The following NCKAP5 variants were observed in gnomAD, a reference collection of about 807,000 sequenced individuals.
The protein encoded by NCKAP5 is nck-associated protein 5.
A neutral mutation model predicts 167.0 loss-of-function variants in NCKAP5; 92 were observed. That is an observed-to-expected ratio of 0.55 (90% confidence interval 0.47 to 0.66). The LOEUF (loss-of-function observed/expected upper bound fraction) is 0.66, where lower values mean the gene tolerates loss of function less well. Among genes scored for constraint, NCKAP5 ranks in the 30% least tolerant of loss-of-function variants. The pLI, the probability that NCKAP5 is intolerant of heterozygous loss-of-function variation, is 0.00. For missense variants in NCKAP5, 2,378 were observed against 2,315.0 expected (o/e 1.03, Z -0.56); for synonymous variants, 891 against 877.4 (o/e 1.02, Z -0.27).
chr2:132,686,375 G>A (rs920976999), intron 19 of NCKAP5, among the ~76,000 whole-genome samples: 1 of 152,124 alleles, frequency 6.6e-6, no homozygotes, highest in Non-Finnish European at 1.5e-5. Flanking sequence ...CAGAAGAAGG[G>A]AAATCTCCTC....
At chr2:132,746,272 C>A (rs1679637152) in intron 16 of NCKAP5, among the ~76,000 whole-genome samples, 1 of 152,020 alleles carries the variant, frequency 6.6e-6, no homozygotes, top group Non-Finnish European at 1.5e-5. Flanking sequence ...CAATTGATTT[C>A]TGACAAAGAT....
intron 6 of NCKAP5, among the ~76,000 whole-genome samples, chr2:133,052,955 A>G (rs963366809): frequency 2.0e-5 from 3 of 152,160 alleles, no homozygotes; most frequent in African/African-American, 7.2e-5. Flanking sequence ...AGAAAACAAA[A>G]TAAAAAAATA....
chr2:132,956,946 C>T (rs1558987880), intron 8 of NCKAP5, among the ~76,000 whole-genome samples: 1 of 152,124 alleles, frequency 6.6e-6, no homozygotes, highest in Admixed American at 6.5e-5. Context: ...TGCCAGACCT[C>T]GAAAAATGGG....
chr2:132,766,879 T>G (rs1681542530), intron 16 of NCKAP5, among the ~76,000 whole-genome samples: 1 of 152,216 alleles, frequency 6.6e-6, no homozygotes, highest in Non-Finnish European at 1.5e-5. Context: ...ATATGACTAT[T>G]TTATTCTTTC....
chr2:133,105,026 C>T (rs2081637491), intron 6 of NCKAP5, among the ~76,000 whole-genome samples: 1 of 152,236 alleles, frequency 6.6e-6, no homozygotes, highest in South Asian at 2.1e-4. Context: ...AGGCCTCCTC[C>T]TTTGGGGTAA....
At chr2:133,143,657 G>C (rs1368915579) in intron 5 of NCKAP5, among the ~76,000 whole-genome samples, 1 of 151,802 alleles carries the variant, frequency 6.6e-6, no homozygotes, top group Non-Finnish European at 1.5e-5. Flanking sequence ...ATAAAGTGAA[G>C]GAAAATAAGA....
At chr2:133,561,265 T>G (rs1050654848) in intron 1 of NCKAP5, among the ~76,000 whole-genome samples, 1 of 152,226 alleles carries the variant, frequency 6.6e-6, no homozygotes, top group Non-Finnish European at 1.5e-5. Context: ...GCAATCTGCA[T>G]GAACACCGTC....
chr2:133,504,509 A>G (rs1026581106), intron 3 of NCKAP5, among the ~76,000 whole-genome samples: 3 of 151,986 alleles, frequency 2.0e-5, no homozygotes, highest in Non-Finnish European at 4.4e-5. Context: ...TGAAAATACT[A>G]TAAGAGAACC....
chr2:133,236,709 C>T (rs2087438893), intron 4 of NCKAP5, among the ~76,000 whole-genome samples: 1 of 152,182 alleles, frequency 6.6e-6, no homozygotes, highest in Non-Finnish European at 1.5e-5. Context: ...AGACAATATG[C>T]TATCAACTCT....
chr2:133,548,485 C>T (rs1261825019), intron 2 of NCKAP5, among the ~76,000 whole-genome samples: 2 of 151,376 alleles, frequency 1.3e-5, no homozygotes, highest in Non-Finnish European at 3.0e-5. Context: ...AGAGAAAGGT[C>T]GGGTTACCCT....
intron 19 of NCKAP5, among the ~76,000 whole-genome samples, chr2:132,685,325 T>A (rs1685792011): frequency 6.6e-6 from 1 of 152,194 alleles, no homozygotes; most frequent in African/African-American, 2.4e-5. Context: ...ATTAATATGT[T>A]CATCCCAGGA....
At chr2:132,842,128 G>A (rs548346517) in intron 11 of NCKAP5, among the ~76,000 whole-genome samples, 2 of 152,144 alleles carry the variant, frequency 1.3e-5, no homozygotes, top group African/African-American at 4.8e-5. Context: ...TTCAATGGTA[G>A]GTCTTTAATT....
At chr2:132,917,122 T>C (rs1340819841) in intron 8 of NCKAP5, among the ~76,000 whole-genome samples, 1 of 152,162 alleles carries the variant, frequency 6.6e-6, no homozygotes, top group African/African-American at 2.4e-5. Context: ...TGTTTACAGA[T>C]AAGAAAGCTA....
Position 133,361,604 on chromosome 2 carries a change from C to T in NCKAP5, c.70-58494G>A, listed in dbSNP as rs117937734. Among the ~76,000 whole-genome samples, 19 of 152,212 alleles carry T rather than the reference C, an allele frequency of 1.2e-4. No individual in the cohort carries two copies. The East Asian group carries it at 3.3e-3, about 26-fold the overall frequency. On this transcript the variant is annotated intron_variant, in intron 3 of 19. Coordinates refer to ENST00000409261, the MANE Select transcript of NCKAP5 (RefSeq NM_207363.3). ...TAAAAGTGAAGAAAACGGACGTGAG[C>T]TTAATGGACAAATGGAATATTCCTG... is the stretch of plus-strand genomic sequence containing the variant.
the NCKAP5 span, among the ~76,000 whole-genome samples, chr2:133,669,340 T>C: frequency 6.6e-6 from 1 of 152,176 alleles, no homozygotes; most frequent in Non-Finnish European, 1.5e-5. Flanking sequence ...TTGTCAGTGC[T>C]TTCTTGCTTT....
intron 3 of NCKAP5, among the ~76,000 whole-genome samples, chr2:133,465,007 T>C (rs75356785): frequency 7.7e-6 from 1 of 129,248 alleles, no homozygotes; most frequent in Non-Finnish European, 1.7e-5. Context: ...CTGCTTTTGC[T>C]TTTTTTTTTT....
chr2:133,181,863 C>T (rs2084754024), intron 5 of NCKAP5, among the ~76,000 whole-genome samples: 1 of 151,896 alleles, frequency 6.6e-6, no homozygotes, highest in African/African-American at 2.4e-5. Flanking sequence ...TAAGTGCTAT[C>T]TACAAAAAAC....
At chr2:133,305,405 G>T (rs1680711642) in intron 3 of NCKAP5, among the ~76,000 whole-genome samples, 1 of 152,178 alleles carries the variant, frequency 6.6e-6, no homozygotes, top group African/African-American at 2.4e-5. Flanking sequence ...TGGAGGCATT[G>T]TAAGTGTTAA....
chr2:132,679,467 G>A (rs941530748), intron 19 of NCKAP5, among the ~76,000 whole-genome samples: 1 of 152,116 alleles, frequency 6.6e-6, no homozygotes, highest in Non-Finnish European at 1.5e-5. Flanking sequence ...GGTGTCCAAG[G>A]TGTCCCCTAC....
Sources: gnomAD v4.1 joint callset for allele counts (sites outside exome capture counted in the v4.1 genomes callset) on GRCh38, gnomAD v4.1.1 for gene constraint, MANE v1.5 for transcripts, NCBI Gene and HGNC (gene_info 2026-07-23, HGNC 2026-07-21) for gene names.